MARCHF1: variants seen among roughly 807,000 people sequenced by gnomAD.
The protein encoded by MARCHF1 is membrane associated ring-CH-type finger 1.
Under a neutral mutation model 54.2 loss-of-function variants are expected in MARCHF1, and 40 were observed. That is an observed-to-expected ratio of 0.74 (90% CI 0.57 to 0.96). MARCHF1 has a LOEUF of 0.96. Among genes scored for constraint, MARCHF1 ranks in the 40% least tolerant of loss-of-function variants. The pLI, the probability that MARCHF1 is intolerant of heterozygous loss-of-function variation, is 0.00. For synonymous variants in MARCHF1, 236 were observed against 236.3 expected (o/e 1.00, Z 0.01); for missense variants, 586 against 656.5 (o/e 0.89, Z 1.17).
intron 1 of MARCHF1, among the ~76,000 whole-genome samples, chr4:164,357,417 A>G (rs2110912634): frequency 6.6e-6 from 1 of 152,174 alleles, no homozygotes; most frequent in East Asian, 1.9e-4. Context: ...TCTTATAAAG[A>G]TCTTTGTGAT....
chr4:163,873,584 T>A (rs140626627), intron 3 of MARCHF1, among the ~76,000 whole-genome samples: 172 of 152,338 alleles, frequency 1.1e-3, no homozygotes, highest in African/African-American at 3.9e-3. Flanking sequence ...ACAGGAGCTC[T>A]GGCTTCCCCA....
chr4:163,916,779 C>G (rs893220748), intron 3 of MARCHF1, among the ~76,000 whole-genome samples: 2 of 152,130 alleles, frequency 1.3e-5, no homozygotes, highest in Admixed American at 1.3e-4. Context: ...TGTACAGCCA[C>G]TGCCACTATC....
At chr4:163,675,119 A>G (rs751778087) in intron 5 of MARCHF1, among the ~76,000 whole-genome samples, 1 of 152,242 alleles carries the variant, frequency 6.6e-6, no homozygotes, top group Non-Finnish European at 1.5e-5. Context: ...AATAATATCA[A>G]AGACAATGAG....
At chr4:163,858,955 T>C (rs538417507) in intron 3 of MARCHF1, among the ~76,000 whole-genome samples, 1 of 152,188 alleles carries the variant, frequency 6.6e-6, no homozygotes, top group South Asian at 2.1e-4. Flanking sequence ...GGGGTCTTTT[T>C]AATTTCTGCA....
At chr4:164,344,501 CTT>C (rs1730021349) in intron 1 of MARCHF1, among the ~76,000 whole-genome samples, 1 of 150,746 alleles carries the variant, frequency 6.6e-6, no homozygotes, top group Non-Finnish European at 1.5e-5. Context: ...TTGGTCAGCA[CTT>C]TTGAAAACTA....
intron 1 of MARCHF1, among the ~76,000 whole-genome samples, chr4:164,338,785 C>T (rs1312251137): frequency 6.6e-6 from 1 of 152,038 alleles, no homozygotes; most frequent in Non-Finnish European, 1.5e-5. Context: ...CCAGCCTTAC[C>T]ACCATGGAGA....
intron 1 of MARCHF1, among the ~76,000 whole-genome samples, chr4:164,244,456 C>A (rs1244245924): frequency 6.7e-6 from 1 of 149,280 alleles, no homozygotes; most frequent in African/African-American, 2.5e-5. Flanking sequence ...GCATTCAAAG[C>A]AGTGTGTAGA....
intron 5 of MARCHF1, among the ~76,000 whole-genome samples, chr4:163,644,492 C>G (rs1560994478): frequency 6.6e-6 from 1 of 152,124 alleles, no homozygotes; most frequent in Non-Finnish European, 1.5e-5. Context: ...CGCAAGGACC[C>G]AGAGGGAGAC....
At chr4:163,883,677 GT>G (rs904950699) in intron 3 of MARCHF1, among the ~76,000 whole-genome samples, 1 of 152,102 alleles carries the variant, frequency 6.6e-6, no homozygotes, top group Non-Finnish European at 1.5e-5. Context: ...TTTAGTGTAA[GT>G]ATGACTCAAA....
chr4:164,355,830 C>G (rs1248965322), intron 1 of MARCHF1, among the ~76,000 whole-genome samples: 4 of 113,102 alleles, frequency 3.5e-5, no homozygotes, highest in Non-Finnish European at 7.9e-5. Flanking sequence ...GAACAGGCAA[C>G]CTACAACATG....
chr4:163,735,941 T>C (rs1052145014), intron 4 of MARCHF1, among the ~76,000 whole-genome samples: 2 of 152,178 alleles, frequency 1.3e-5, no homozygotes, highest in Non-Finnish European at 2.9e-5. Flanking sequence ...CCAAATCCTA[T>C]ATACACCATG....
intron 3 of MARCHF1, among the ~76,000 whole-genome samples, chr4:163,869,113 C>A (rs1275067289): frequency 1.3e-5 from 2 of 151,322 alleles, no homozygotes; most frequent in African/African-American, 4.9e-5. Flanking sequence ...CCCCCAAAAA[C>A]CCCCCAAAAA....
chr4:163,612,828 C>T lies in MARCHF1; in HGVS notation c.453G>A (p.Arg151=). ...NDFHLQISSP[R]WRELYTDSSD... is the part of the protein sequence containing the mutation. ...AAGAATCTGTGTAAAGCTCCCTCCACCTGGGGCTTGAGATTTGAAGGTGAA... is the reference window on the plus strand; with the variant it reads ...AAGAATCTGTGTAAAGCTCCCTCCATCTGGGGCTTGAGATTTGAAGGTGAA... The change falls in exon 7 of 10, where the codon AGG becomes AGA. Residue 151 remains arginine (R), a synonymous_variant. Coordinates refer to ENST00000514618, the MANE Select transcript of MARCHF1 (RefSeq NM_001394959.1). 2 of 1,535,262 alleles carry T rather than the reference C, an allele frequency of 1.3e-6. No individual in the cohort carries two copies. The highest frequency in any genetic ancestry group is 8.7e-7 in the Non-Finnish European group (1 of 1,146,466).
intron 2 of MARCHF1, among the ~76,000 whole-genome samples, chr4:163,991,638 G>A (rs1418413149): frequency 1.3e-5 from 2 of 152,258 alleles, no homozygotes; most frequent in Non-Finnish European, 1.5e-5. Context: ...CAGAATAATC[G>A]TGGATACAGG....
intron 1 of MARCHF1, among the ~76,000 whole-genome samples, chr4:164,285,513 G>T (rs1320772504): frequency 3.3e-5 from 5 of 151,962 alleles, no homozygotes; most frequent in Non-Finnish European, 7.4e-5. Context: ...CGCGATCTCG[G>T]CTCACGGCAA....
At chr4:164,244,156 T>C (rs1432937954) in intron 1 of MARCHF1, among the ~76,000 whole-genome samples, 1 of 152,016 alleles carries the variant, frequency 6.6e-6, no homozygotes, top group East Asian at 1.9e-4. Context: ...GAATATACAT[T>C]TTTTTCAGCA....
chr4:164,283,604 C>T lies in MARCHF1; in HGVS notation c.-323+100266G>A, dbSNP rs1734077609. On this transcript the variant is annotated intron_variant, in intron 1 of 9. Transcript: ENST00000514618. ...AGAATTTCTGGCAGTGCCAGAAGCTCAGGAAAGTCCTGGAAACTCATCAGA... is the reference window on the plus strand; with the variant it reads ...AGAATTTCTGGCAGTGCCAGAAGCTTAGGAAAGTCCTGGAAACTCATCAGA... Among the ~76,000 whole-genome samples, 7 of 150,960 alleles carry T rather than the reference C, an allele frequency of 4.6e-5. 1 individual carries two copies. In the South Asian group the frequency reaches 1.5e-3, roughly 32 times the overall value.
intron 1 of MARCHF1, among the ~76,000 whole-genome samples, chr4:164,132,454 G>C (rs1030328055): frequency 1.3e-5 from 2 of 152,088 alleles, no homozygotes; most frequent in African/African-American, 4.8e-5. Flanking sequence ...GAATACATTA[G>C]AGGTGATTTT....
intron 2 of MARCHF1, among the ~76,000 whole-genome samples, chr4:164,062,845 T>C (rs1244835094): frequency 6.6e-6 from 1 of 152,164 alleles, no homozygotes; most frequent in Non-Finnish European, 1.5e-5. Flanking sequence ...TAAATAATAA[T>C]ACCTGAAAGT....
Sources: allele counts gnomAD v4.1 joint callset (sites outside exome capture counted in the v4.1 genomes callset), GRCh38; gene constraint gnomAD v4.1.1; transcripts MANE v1.5; gene names NCBI Gene and HGNC (gene_info 2026-07-23, HGNC 2026-07-21).